Variants in TRIM11 observed in about 807,000 individuals in gnomAD.
TRIM11 encodes the protein tripartite motif containing 11.
Under a neutral mutation model 33.4 loss-of-function variants are expected in TRIM11, and 15 were observed. The ratio of observed to expected loss-of-function variants is 0.45; its 90% CI spans 0.30 to 0.69. TRIM11 has a LOEUF of 0.69. TRIM11 is among the 30% of genes least tolerant of loss of function. The probability of loss-of-function intolerance (pLI) is 0.08; values close to 1 mark genes in which losing one functional copy is unlikely to be tolerated. For synonymous variants in TRIM11, 281 were observed against 302.6 expected, an observed-to-expected ratio of 0.93 and a Z score of 0.74; for missense variants, 499 against 667.6, an observed-to-expected ratio of 0.75 and a Z score of 2.78.
rs1574086506 is a variant in TRIM11 at position 228,401,625 on chromosome 1, A to G, written c.505-431T>C. 6.6e-6 allele frequency among the ~76,000 whole-genome samples: 1 copy of G among 151,646 alleles called. No homozygotes were observed. The highest frequency in any genetic ancestry group is 1.9e-4 in the East Asian group (1 of 5,134). ...CACCCAGGGTCCCTCCTGACCTCCA[A>G]ATTCTCCCCTGGGGCTTCCCAGATC... On this transcript the variant is annotated intron_variant, in intron 2 of 5. Coordinates refer to ENST00000284551, the MANE Select transcript of TRIM11 (RefSeq NM_145214.3). This position sits in a 1 kb window ranked among gnomAD's most constrained non-coding sequence, Gnocchi z 6.1.
intron 3 of TRIM11, among the ~76,000 whole-genome samples, chr1:228,399,373 G>T (rs1035325804): frequency 6.6e-6 from 1 of 152,212 alleles, no homozygotes; most frequent in African/African-American, 2.4e-5. Flanking sequence ...GCCAAACCTG[G>T]GCAGGGAGCT....
At position 228,394,944 on chromosome 1, in the gene TRIM11, A is replaced by C; in HGVS notation, c.1168T>G (p.Ser390Ala). ...CGGAGTGGAGCCAAGGCCCGTTCCGAGGAATTGTAATAGCTCCCCAGGAAG... is the reference window on the plus strand; with the variant it reads ...CGGAGTGGAGCCAAGGCCCGTTCCGCGGAATTGTAATAGCTCCCCAGGAAG... ...LVFLGSYYNS[S>A]ERALAPLRDP... The change falls in exon 6 of 6, where the codon TCG becomes GCG. Residue 390 changes from serine (S) to alanine (A), a missense_variant. Physicochemically the swap from Ser to Ala is moderately conservative, Grantham distance 99. Transcript: ENST00000284551. This position sits in a 1 kb window ranked among gnomAD's most constrained non-coding sequence, Gnocchi z 6.2. 1.2e-6 allele frequency: 2 copies of C among 1,614,128 alleles called. No individual in the cohort carries two copies. Among genetic ancestry groups the C allele is most frequent in the South Asian group, 1.1e-5 (1 of 91,088 alleles).
chr1:228,401,248 C>A lies in TRIM11; in HGVS notation c.505-54G>T, dbSNP rs887813294. On this transcript the variant is annotated intron_variant, in intron 2 of 5. Transcript: ENST00000284551. This position sits in a 1 kb window ranked among gnomAD's most constrained non-coding sequence, Gnocchi z 6.1. ...AGGCCAGACCCCAGGCCCAGCCAGA[C>A]CCCAAGTTTGGTCAGACCCCAAGCC... 2.0e-5 allele frequency: 31 copies of A among 1,572,180 alleles called. No individual in the cohort carries two copies. Among genetic ancestry groups the A allele is most frequent in the Non-Finnish European group, 2.6e-5 (30 of 1,156,696 alleles).
At position 228,395,172 on chromosome 1, in the gene TRIM11, G is replaced by T; in HGVS notation, c.940C>A (p.Leu314Ile). Residue 314 changes from leucine (L) to isoleucine (I), a missense_variant, in exon 6 of 6, where the codon CTA becomes ATA. Leu to Ile is a conservative substitution (Grantham distance 5). Transcript: ENST00000284551. This position sits in a 1 kb window ranked among gnomAD's most constrained non-coding sequence, Gnocchi z 4.8. ...EDRRSVQRGD[L>I]RQALPDSPER... ...GGGCTGTCCGGCAGGGCCTGCCGTA[G>T]GTCCCCCCGCTGCACGCTCCGCCTG... 2 of 1,524,330 alleles carry T rather than the reference G, an allele frequency of 1.3e-6. No individual in the cohort carries two copies. Among genetic ancestry groups the T allele is most frequent in the Non-Finnish European group, 8.8e-7 (1 of 1,142,266 alleles). The allele number at this position is 1,524,330 out of a possible 1,614,324, so 94.4% of individuals were successfully genotyped here. A position where few individuals can be genotyped will look rare whatever the true frequency, so the allele number is the denominator to read the frequency against.
rs886185061 is a variant in TRIM11, at chr1:228,401,494, T to C, written c.505-300A>G. ...CCCCAAATCTAAACCCAGGGCCGACTAGATCCCAAATCCACTATCTAGTCC... is the reference window on the plus strand; with the variant it reads ...CCCCAAATCTAAACCCAGGGCCGACCAGATCCCAAATCCACTATCTAGTCC... On this transcript the variant is annotated intron_variant, in intron 2 of 5. Transcript: ENST00000284551. This position sits in a 1 kb window ranked among gnomAD's most constrained non-coding sequence, Gnocchi z 6.1. 2.0e-5 allele frequency among the ~76,000 whole-genome samples: 3 copies of C among 152,056 alleles called. No homozygotes were observed. Among genetic ancestry groups the C allele is most frequent in the Admixed American group, 1.3e-4 (2 of 15,268 alleles).
In TRIM11 at chr1:228,399,904, A is replaced by C. The variant is rs1362042301; in HGVS notation, c.735+1060T>G. 1.5e-3 allele frequency among the ~76,000 whole-genome samples: 227 copies of C among 150,842 alleles called. 1 individual carries two copies. The highest frequency in any genetic ancestry group is 4.8e-3 in the African/African-American group (194 of 40,502). On this transcript the variant is annotated intron_variant, in intron 3 of 5. Coordinates refer to ENST00000284551, the MANE Select transcript of TRIM11 (RefSeq NM_145214.3). ...CAAAAAAAAAAACAAAAAAAAAAAA[A>C]CAAAAAACAAAAAAACAGAAAAAAG...
At chr1:228,397,373 G>A (rs1011489370) in intron 3 of TRIM11, 21 of 624,692 alleles carry the variant, frequency 3.4e-5, no homozygotes, top group Non-Finnish European at 5.4e-5. Flanking sequence ...TGTGCCAGGA[G>A]GCATCACCAA....
At chr1:228,402,934 G>A (rs1029783710) in intron 1 of TRIM11, 6 of 152,070 alleles carry the variant, frequency 3.9e-5, no homozygotes, top group Non-Finnish European at 8.8e-5. Flanking sequence ...CAGTCAGCAC[G>A]GACAGACATG....
intron 5 of TRIM11, chr1:228,396,495 C>T (rs2074987701): frequency 3.4e-6 from 2 of 596,990 alleles, no homozygotes; most frequent in Non-Finnish European, 6.0e-6. Flanking sequence ...TCACAATAAA[C>T]CAATGACAGT....
rs113793473 is a variant in TRIM11, at chr1:228,395,500, A to G, written c.860-248T>C. The G allele has an allele frequency of 3.4e-3, 1,298 of 386,872 alleles. 14 individuals carry two copies. Among genetic ancestry groups the G allele is most frequent in the African/African-American group, 0.023 (1,131 of 48,206 alleles). The allele number at this position is 386,872 out of a possible 1,614,324, so 24.0% of individuals were successfully genotyped here. A position where few individuals can be genotyped will look rare whatever the true frequency, so the allele number is the denominator to read the frequency against. ...GTCCATGTTTTGCCTTCAGATATCA[A>G]GAGGGAATCTTGGTTGCTTTTTTTT... On this transcript the variant is annotated intron_variant, in intron 5 of 5. Coordinates refer to ENST00000284551, the MANE Select transcript of TRIM11 (RefSeq NM_145214.3). This position sits in a 1 kb window ranked among gnomAD's most constrained non-coding sequence, Gnocchi z 4.8.
Position 228,405,919 on chromosome 1 carries a change from G to A in TRIM11, c.408+235C>T, listed in dbSNP as rs1173091556. 4 of 417,392 alleles carry A rather than the reference G, an allele frequency of 9.6e-6. No homozygotes were observed. In the Admixed American group the frequency reaches 1.3e-4, roughly 14 times the overall value. 25.9% of individuals were successfully genotyped at this position (417,392 alleles called of 1,614,324 possible). A position where few individuals can be genotyped will look rare whatever the true frequency, so the allele number is the denominator to read the frequency against. On this transcript the variant is annotated intron_variant, in intron 1 of 5. Transcript: ENST00000284551. ...TCACCCCCGAGAGCAGGGTCTCATT[G>A]GCGGCCATGGTCCCAGCCTCAAGGG...
intron 3 of TRIM11, 46 bp from the exon 4 acceptor site, chr1:228,397,211 C>A: frequency 6.3e-7 from 1 of 1,599,570 alleles, no homozygotes; most frequent in Middle Eastern, 2.2e-4. Context: ...GTGACCATCG[C>A]TTGCTCCTGG....
intron 3 of TRIM11, chr1:228,397,745 G>A (rs1448079702): frequency 6.6e-6 from 1 of 152,578 alleles, no homozygotes; most frequent in African/African-American, 2.4e-5. Flanking sequence ...AGAAACTTCA[G>A]GACTTCAGAA....
chr1:228,395,516 G>GT lies in TRIM11; in HGVS notation c.860-265_860-264insA. Reference sequence around the variant, plus strand: ...CAGATATCAAGAGGGAATCTTGGTTGCTTTTTTTTTTTTTTTTAAAGAGGC... The same window carrying GT: ...CAGATATCAAGAGGGAATCTTGGTTGTCTTTTTTTTTTTTTTTTAAAGAGGC... On this transcript the variant is annotated intron_variant, in intron 5 of 5. Coordinates refer to ENST00000284551, the MANE Select transcript of TRIM11 (RefSeq NM_145214.3). The surrounding 1 kb of genome is among the most constrained non-coding windows in gnomAD (Gnocchi z 4.8). 3.0e-6 allele frequency: 1 copy of GT among 337,536 alleles called. No homozygotes were observed. The highest frequency in any genetic ancestry group is 5.2e-6 in the Non-Finnish European group (1 of 190,514). The allele number at this position is 337,536 out of a possible 1,614,324, so 20.9% of individuals were successfully genotyped here. A position where few individuals can be genotyped will look rare whatever the true frequency, so the allele number is the denominator to read the frequency against.
chr1:228,397,140 T>C lies in TRIM11; in HGVS notation c.758+3A>G. On this transcript the variant is annotated splice_donor_region_variant and intron_variant, in intron 4 of 5. Coordinates refer to ENST00000284551, the MANE Select transcript of TRIM11 (RefSeq NM_145214.3). ...CCCCCTCCAGGAGAGGCTGGGTTCG[T>C]ACCTGCGCAGGGCGTCCTTGATGTC... The C allele has an allele frequency of 1.2e-6, 2 of 1,613,802 alleles. No individual in the cohort carries two copies. The highest frequency in any genetic ancestry group is 1.7e-6 in the Non-Finnish European group (2 of 1,179,822).
Position 228,406,601 on chromosome 1 carries a change from G to A in TRIM11, c.-40C>T. 7.2e-7 allele frequency: 1 copy of A among 1,397,240 alleles called. No individual in the cohort carries two copies. Among genetic ancestry groups the A allele is most frequent in the South Asian group, 1.7e-5 (1 of 58,746 alleles). The allele number at this position is 1,397,240 out of a possible 1,614,324, so 86.6% of individuals were successfully genotyped here. A position where few individuals can be genotyped will look rare whatever the true frequency, so the allele number is the denominator to read the frequency against. On this transcript the variant is annotated 5_prime_UTR_variant, in exon 1 of 6. Coordinates refer to ENST00000284551, the MANE Select transcript of TRIM11 (RefSeq NM_145214.3). This position sits in a 1 kb window ranked among gnomAD's most constrained non-coding sequence, Gnocchi z 8.2. Reference sequence around the variant, plus strand: ...GGAGGAAGGCGGTACTGTCCGCGGGGCGGCGGCGGGCGGCCTCGGCAGCTC... The same window carrying A: ...GGAGGAAGGCGGTACTGTCCGCGGGACGGCGGCGGGCGGCCTCGGCAGCTC...
At chr1:228,402,338 C>A in intron 1 of TRIM11, 177 bp from the exon 2 acceptor site, 1 of 513,428 alleles carries the variant, frequency 1.9e-6, no homozygotes, top group Non-Finnish European at 3.4e-6. Flanking sequence ...AGGTGGGCAG[C>A]CTCTTGCCAG....
At chr1:228,398,372 C>T (rs531687016) in intron 3 of TRIM11, among the ~76,000 whole-genome samples, 1 of 152,292 alleles carries the variant, frequency 6.6e-6, no homozygotes, top group Admixed American at 6.5e-5. Flanking sequence ...GAGGCCAGCA[C>T]TTTGGGAGGC....
At chr1:228,397,851 G>A (rs2074999930) in intron 3 of TRIM11, among the ~76,000 whole-genome samples, 1 of 152,194 alleles carries the variant, frequency 6.6e-6, no homozygotes, top group Admixed American at 6.5e-5. Flanking sequence ...AGTCTCATAA[G>A]AAGGGGCGAC....
Sources: gnomAD v4.1 joint callset for allele counts (sites outside exome capture counted in the v4.1 genomes callset) on GRCh38, gnomAD v4.1.1 for gene constraint, Gnocchi (gnomAD v3.1) non-coding constraint, MANE v1.5 for transcripts, NCBI Gene and HGNC (gene_info 2026-07-23, HGNC 2026-07-21) for gene names.